The following DOCK1 variants were observed in gnomAD, a reference collection of about 807,000 sequenced individuals.
DOCK1 encodes the protein dedicator of cytokinesis 1.
Under a neutral mutation model 262.7 loss-of-function variants are expected in DOCK1, and 138 were observed. That is an observed-to-expected ratio of 0.53 (90% CI 0.46 to 0.61). The LOEUF (loss-of-function observed/expected upper bound fraction) is 0.61. Among genes scored for constraint, DOCK1 ranks in the 20% least tolerant of loss-of-function variants. The probability of loss-of-function intolerance (pLI) is 0.00; values close to 1 mark genes in which losing one functional copy is unlikely to be tolerated. For synonymous variants in DOCK1, 866 were observed against 867.4 expected (o/e 1.00, Z 0.03); for missense variants, 1,908 against 2,370.7 (o/e 0.80, Z 4.05).
At chr10:127,169,151 T>C (rs755598137) in intron 27 of DOCK1, among the ~76,000 whole-genome samples, 1 of 152,338 alleles carries the variant, frequency 6.6e-6, no homozygotes, top group African/African-American at 2.4e-5. Flanking sequence ...TTCCAAGAGA[T>C]GCTGTCATAT....
intron 27 of DOCK1, among the ~76,000 whole-genome samples, chr10:127,203,129 C>T (rs1029039484): frequency 6.6e-5 from 10 of 152,328 alleles, no homozygotes; most frequent in Admixed American, 5.2e-4. Context: ...GATATTCTCA[C>T]GTTTTCTTCG....
rs765309599 is a variant in DOCK1, at chr10:127,023,317, G to A, written c.1445G>A (p.Arg482Gln). 43 of 1,613,742 alleles carry A rather than the reference G, an allele frequency of 2.7e-5. 1 individual carries two copies. The highest frequency in any genetic ancestry group is 1.7e-5 in the Admixed American group (1 of 59,980). The change falls in exon 14 of 52, where the codon CGA (arginine) becomes CAA (glutamine). Residue 482 changes from arginine (R) to glutamine (Q), a missense_variant. This residue lies in a region of DOCK1 where 294 missense variants were observed against 439.9 expected (regional missense o/e 0.67). Transcript: ENST00000623213. The part of the protein sequence containing the change: ...TVSVYDEDGK[R>Q]LEHVIFPGAG... ...TCTGTGTACGATGAGGATGGGAAAC[G>A]ATTAGAGGTATTTATTGTGGCGAGG...
chr10:127,404,359 A>G lies in DOCK1; in HGVS notation c.4052A>G (p.Lys1351Arg), dbSNP rs1279978319. ...GCTCAGTTTTATGAAAACATCGTCA[A>G]AGTGATCAGGCCCAAGCCTGACTAT... ...KQAQFYENIV[K>R]VIRPKPDYFA... The change falls in exon 40 of 52, where the codon AAA (lysine) becomes AGA (arginine). Residue 1351 changes from lysine (K) to arginine (R), a missense_variant. This residue lies in a region of DOCK1 where 267 missense variants were observed against 366.3 expected (regional missense o/e 0.73). Transcript: ENST00000623213. 3 of 1,613,926 alleles carry G rather than the reference A, an allele frequency of 1.9e-6. No homozygotes were observed. In the Admixed American group the frequency reaches 5.0e-5, roughly 27 times the overall value.
intron 37 of DOCK1, among the ~76,000 whole-genome samples, chr10:127,384,356 C>T (rs906433282): frequency 7.9e-5 from 12 of 152,316 alleles, no homozygotes; most frequent in African/African-American, 2.9e-4. Context: ...AGCTTGACAG[C>T]CTTTCTAGTC....
intron 1 of DOCK1, among the ~76,000 whole-genome samples, chr10:126,923,669 A>C (rs1591327944): frequency 6.6e-6 from 1 of 152,318 alleles, no homozygotes; most frequent in South Asian, 2.1e-4. Flanking sequence ...TCTCCAAGCA[A>C]TCTGCCACGG....
At chr10:127,433,162 A>G in intron 47 of DOCK1, 121 bp from the exon 48 acceptor site, 1 of 1,370,812 alleles carries the variant, frequency 7.3e-7, no homozygotes, top group Non-Finnish European at 1.0e-6. Flanking sequence ...TGTACTGTTT[A>G]CAGAAGTCTG....
chr10:127,207,323 TAAGTCA>T (rs2057770234), intron 27 of DOCK1, among the ~76,000 whole-genome samples: 1 of 152,206 alleles, frequency 6.6e-6, no homozygotes, highest in Non-Finnish European at 1.5e-5. Context: ...TAAATGTGAC[TAAGTCA>T]GGAATCTTAT....
intron 46 of DOCK1, among the ~76,000 whole-genome samples, chr10:127,421,799 G>A (rs111541446): frequency 0.021 from 3,161 of 152,300 alleles, 119 homozygotes; most frequent in African/African-American, 0.072. Flanking sequence ...GTGTGTGTCA[G>A]AACTTCATTC....
rs36134469 is a variant in DOCK1 at position 126,931,453 on chromosome 10, C to T, written c.46+25890C>T. Among the ~76,000 whole-genome samples, 1,290 of 151,988 alleles carry T rather than the reference C, an allele frequency of 8.5e-3. 9 individuals are homozygous for T. The highest frequency in any genetic ancestry group is 0.015 in the Non-Finnish European group (1,020 of 67,982). On this transcript the variant is annotated intron_variant, in intron 1 of 51. Transcript: ENST00000623213. ...CCTGGTCTGGTGGCACCGGGGGAAG[C>T]GAGGCCCAGAAGTGCAGGTTCAGGA... is the stretch of plus-strand genomic sequence containing the variant.
chr10:127,250,498 G>C (rs2059587559), intron 28 of DOCK1, among the ~76,000 whole-genome samples: 1 of 152,086 alleles, frequency 6.6e-6, no homozygotes, highest in South Asian at 2.1e-4. Context: ...CTTCCATTAA[G>C]AAATGATGTT....
At chr10:126,952,867 AG>A (rs2036411490) in intron 1 of DOCK1, among the ~76,000 whole-genome samples, 26 of 91,220 alleles carry the variant, frequency 2.9e-4, no homozygotes, top group African/African-American at 1.2e-3. Flanking sequence ...GTGATGTGGT[AG>A]TATTGTTATT....
intron 38 of DOCK1, among the ~76,000 whole-genome samples, chr10:127,400,217 C>T (rs1320396812): frequency 6.0e-5 from 9 of 150,572 alleles, no homozygotes; most frequent in East Asian, 1.9e-4. Context: ...TTCTTTACGT[C>T]GTGGCTATGA....
At chr10:127,432,302 A>C (rs2069347038) in intron 47 of DOCK1, among the ~76,000 whole-genome samples, 1 of 152,188 alleles carries the variant, frequency 6.6e-6, no homozygotes, top group Non-Finnish European at 1.5e-5. Flanking sequence ...CCCACTTTTC[A>C]GAAGGGGAAG....
At chr10:127,371,314 T>G (rs1241062186) in intron 33 of DOCK1, among the ~76,000 whole-genome samples, 1 of 152,220 alleles carries the variant, frequency 6.6e-6, no homozygotes, top group Non-Finnish European at 1.5e-5. Flanking sequence ...TAGTTTGGAC[T>G]AGGGTTAGTA....
At chr10:127,027,508 C>T (rs1357421760) in intron 16 of DOCK1, among the ~76,000 whole-genome samples, 3 of 152,136 alleles carry the variant, frequency 2.0e-5, no homozygotes, top group African/African-American at 7.2e-5. Flanking sequence ...ATTGCTTGAA[C>T]CCGGGAGGCA....
At chr10:127,117,331 G>C (rs999144432) in intron 25 of DOCK1, among the ~76,000 whole-genome samples, 1 of 152,190 alleles carries the variant, frequency 6.6e-6, no homozygotes, top group African/African-American at 2.4e-5. Context: ...GCTGTCCACC[G>C]CCGTGGTGCT....
chr10:127,076,779 C>T (rs1400827996), intron 23 of DOCK1, among the ~76,000 whole-genome samples: 2 of 152,208 alleles, frequency 1.3e-5, no homozygotes, highest in Non-Finnish European at 2.9e-5. Flanking sequence ...CCAGGGCTGA[C>T]AGGGGGGCTC....
At chr10:127,062,961 C>T (rs1591857190) in intron 23 of DOCK1, among the ~76,000 whole-genome samples, 1 of 152,152 alleles carries the variant, frequency 6.6e-6, no homozygotes, top group African/African-American at 2.4e-5. Flanking sequence ...CACATGAGGC[C>T]TGAGTGTTCT....
chr10:127,236,963 C>A (rs2059091129), intron 27 of DOCK1, among the ~76,000 whole-genome samples: 1 of 152,138 alleles, frequency 6.6e-6, no homozygotes, highest in African/African-American at 2.4e-5. Context: ...GCAAACGTAC[C>A]CTTGGTCAAG....
Sources: gnomAD v4.1 joint callset for allele counts (sites outside exome capture counted in the v4.1 genomes callset) on GRCh38, gnomAD v4.1.1 for gene constraint, gnomAD v4.1.1 regional missense constraint, MANE v1.5 for transcripts, NCBI Gene and HGNC (gene_info 2026-07-23, HGNC 2026-07-21) for gene names.